Variants in ATP13A5 observed in about 807,000 individuals in gnomAD.
ATP13A5 encodes ATPase 13A5.
In ATP13A5, 149 loss-of-function variants were observed where a neutral mutation model predicts 150.2. That is an observed-to-expected ratio of 0.99 (90% CI 0.87 to 1.14). The LOEUF (loss-of-function observed/expected upper bound fraction) is 1.14, where lower values mean the gene tolerates loss of function less well. Among genes scored for constraint, ATP13A5 ranks in the 50% most tolerant of loss-of-function variants. The probability of loss-of-function intolerance (pLI) is 0.00; values close to 1 mark genes in which losing one functional copy is unlikely to be tolerated. For synonymous variants in ATP13A5, 497 were observed against 522.2 expected, an observed-to-expected ratio of 0.95 and a Z score of 0.66; for missense variants, 1,383 against 1,449.3, an observed-to-expected ratio of 0.95 and a Z score of 0.74.
At chr3:193,373,706 G>C (rs545324657) in intron 1 of ATP13A5, among the ~76,000 whole-genome samples, 6 of 152,232 alleles carry the variant, frequency 3.9e-5, no homozygotes, top group Middle Eastern at 3.4e-3. Flanking sequence ...TGTGAGTCAG[G>C]AGAGCTAGTG....
At chr3:193,324,796 G>C in intron 14 of ATP13A5, 68 bp downstream of exon 14, 13 of 1,542,458 alleles carry the variant, frequency 8.4e-6, no homozygotes, top group Admixed American at 1.9e-5. Flanking sequence ...ACAAAAATTA[G>C]AAAAGCTTCA....
In ATP13A5 at chr3:193,331,430, C is replaced by T. The variant is rs1056461481; in HGVS notation, c.1273-119G>A. 17 of 889,168 alleles carry T rather than the reference C, an allele frequency of 1.9e-5. No homozygotes were observed. In the African/African-American group the frequency reaches 2.7e-4, roughly 14 times the overall value. 55.1% of individuals were successfully genotyped at this position (889,168 alleles called of 1,614,324 possible). ...TGCAGAGCAAAGGAGACCTTTGATCCCTACTCCCAGTCCACCAACCCCTTT... is the reference window on the plus strand; with the variant it reads ...TGCAGAGCAAAGGAGACCTTTGATCTCTACTCCCAGTCCACCAACCCCTTT... On this transcript the variant is annotated intron_variant, in intron 11 of 29. Coordinates refer to ENST00000342358, the MANE Select transcript of ATP13A5 (RefSeq NM_198505.4).
intron 16 of ATP13A5, among the ~76,000 whole-genome samples, chr3:193,319,969 T>C (rs1719201501): frequency 6.6e-6 from 1 of 152,250 alleles, no homozygotes; most frequent in African/African-American, 2.4e-5. Context: ...TCTTGATCTT[T>C]ACAGAAAAGT....
At chr3:193,305,724 T>A in intron 22 of ATP13A5, 56 bp from the exon 23 acceptor site, 2 of 1,422,590 alleles carry the variant, frequency 1.4e-6, no homozygotes, top group Non-Finnish European at 2.0e-6. Context: ...CTTTACCTCT[T>A]AAAACACCAA....
intron 3 of ATP13A5, 122 bp from the exon 4 acceptor site, chr3:193,362,759 T>TTCCTTCTC: frequency 1.1e-5 from 1 of 93,898 alleles, no homozygotes; most frequent in Admixed American, 1.8e-4. Flanking sequence ...CCTTCTTTCT[T>TTCCTTCTC]TCTTTCTTTC....
Position 193,324,746 on chromosome 3 carries a change from C to T in ATP13A5, c.1674+118G>A, listed in dbSNP as rs543285211. The T allele has an allele frequency of 4.4e-4, 494 of 1,122,728 alleles. 3 individuals are homozygous for T. Among genetic ancestry groups the T allele is most frequent in the South Asian group, 3.4e-3 (207 of 60,098 alleles). The allele number at this position is 1,122,728 out of a possible 1,614,324, so 69.5% of individuals were successfully genotyped here. On this transcript the variant is annotated intron_variant, in intron 14 of 29. Transcript: ENST00000342358. The stretch of plus-strand genomic sequence containing the variant: ...GTTGGGAAGTTCTGGTAGTGTTACA[C>T]GCTTATACATACATTATTATGAACC...
intron 9 of ATP13A5, among the ~76,000 whole-genome samples, chr3:193,335,426 A>G (rs1013679237): frequency 1.3e-5 from 2 of 152,220 alleles, no homozygotes; most frequent in Non-Finnish European, 2.9e-5. Context: ...ATTTTAGGCA[A>G]TGAAGGAGCT....
At chr3:193,319,245 C>T (rs545669190) in intron 16 of ATP13A5, 137 bp from the exon 17 acceptor site, 1 of 634,862 alleles carries the variant, frequency 1.6e-6, no homozygotes, top group Non-Finnish European at 2.8e-6. Flanking sequence ...TAGAGCTTCT[C>T]CTAAAGGCCA....
At chr3:193,352,516 G>A (rs973203782) in intron 6 of ATP13A5, among the ~76,000 whole-genome samples, 1 of 151,478 alleles carries the variant, frequency 6.6e-6, no homozygotes, top group Admixed American at 6.6e-5. Flanking sequence ...TTCTACTAAA[G>A]GGCTAGTAAA....
chr3:193,359,253 T>C (rs1162373091), intron 5 of ATP13A5, among the ~76,000 whole-genome samples: 1 of 152,128 alleles, frequency 6.6e-6, no homozygotes, highest in Admixed American at 6.5e-5. Context: ...GAGTATCTAC[T>C]ACAGGGCTCT....
Position 193,315,868 on chromosome 3 carries a change from A to ATGTGTG in ATP13A5, c.2034-778_2034-773dup, listed in dbSNP as rs61384719. 2.7e-3 allele frequency among the ~76,000 whole-genome samples: 405 copies of ATGTGTG among 151,200 alleles called. 2 individuals carry two copies. The highest frequency in any genetic ancestry group is 7.3e-3 in the South Asian group (35 of 4,780). Reference sequence around the variant, plus strand: ...AAAAAGTTTCCTTCTACCCTGTTTTATGTGTGTGTGTGTGTTAAAATCACT... The same window carrying ATGTGTG: ...AAAAAGTTTCCTTCTACCCTGTTTTATGTGTGTGTGTGTGTGTGTGTTAAAATCACT... On this transcript the variant is annotated intron_variant, in intron 17 of 29. Coordinates refer to ENST00000342358, the MANE Select transcript of ATP13A5 (RefSeq NM_198505.4).
intron 9 of ATP13A5, 135 bp from the exon 10 acceptor site, chr3:193,335,234 T>C (rs973853258): frequency 3.2e-5 from 23 of 715,272 alleles, no homozygotes; most frequent in Middle Eastern, 3.9e-4. Context: ...CAGATGACTG[T>C]TCATAGAGAT....
rs113705500 is a variant in ATP13A5, at chr3:193,374,640, GACACACACACACAC to G, written c.63+4009_63+4022del. 7.5e-5 allele frequency among the ~76,000 whole-genome samples: 7 copies of G among 93,226 alleles called. No homozygotes were observed. The East Asian group carries it at 1.0e-3, about 13-fold the overall frequency. 61.2% of individuals were successfully genotyped at this position (93,226 alleles called of 152,430 possible). On this transcript the variant is annotated intron_variant, in intron 1 of 29. Coordinates refer to ENST00000342358, the MANE Select transcript of ATP13A5 (RefSeq NM_198505.4). ...AGCCTGTGTGGCAGAGTAAGACCAT[GACACACACACACAC>G]ACACACACACACACACACACGCATA... is the stretch of plus-strand genomic sequence containing the variant.
chr3:193,284,028 T>TATG (rs1553809352), intron 27 of ATP13A5, among the ~76,000 whole-genome samples: 1 of 149,820 alleles, frequency 6.7e-6, no homozygotes. Context: ...TTATTATTAT[T>TATG]ATTATTTTTT....
intron 5 of ATP13A5, among the ~76,000 whole-genome samples, chr3:193,354,940 C>CTTTTTTTTTTCTTTTTTTTTT (rs545467259): frequency 7.8e-6 from 1 of 127,916 alleles, no homozygotes. Context: ...AACAATGTAA[C>CTTTTTTTTTTCTTTTTTTTTT]TTTTTTTTTG....
At chr3:193,321,091 C>T (rs1473820048) in intron 16 of ATP13A5, among the ~76,000 whole-genome samples, 1 of 152,198 alleles carries the variant, frequency 6.6e-6, no homozygotes, top group African/African-American at 2.4e-5. Flanking sequence ...CCCTAGTTCT[C>T]TGACCCTCAG....
At chr3:193,289,571 A>G (rs1717862984) in intron 26 of ATP13A5, among the ~76,000 whole-genome samples, 1 of 152,112 alleles carries the variant, frequency 6.6e-6, no homozygotes, top group South Asian at 2.1e-4. Context: ...CACAAAGCCT[A>G]TTTACTATCC....
chr3:193,337,400 G>T (rs1021057375), intron 9 of ATP13A5, among the ~76,000 whole-genome samples: 66 of 152,248 alleles, frequency 4.3e-4, no homozygotes, highest in African/African-American at 1.5e-3. Flanking sequence ...AATCCATCTT[G>T]AATTAATTTT....
chr3:193,327,596 A>G (rs1719510844), intron 12 of ATP13A5, among the ~76,000 whole-genome samples: 1 of 152,188 alleles, frequency 6.6e-6, no homozygotes, highest in Non-Finnish European at 1.5e-5. Context: ...CTAATAATAA[A>G]TATTAATTAA....
Sources: gnomAD v4.1 joint callset for allele counts (sites outside exome capture counted in the v4.1 genomes callset) on GRCh38, gnomAD v4.1.1 for gene constraint, MANE v1.5 for transcripts, NCBI Gene and HGNC (gene_info 2026-07-23, HGNC 2026-07-21) for gene names.